CNTNAP4: variants seen among roughly 807,000 people sequenced by gnomAD.
The protein encoded by CNTNAP4 is contactin associated protein family member 4.
In CNTNAP4, 98 loss-of-function variants were observed where a neutral mutation model predicts 148.4. The observed-to-expected ratio is 0.66, with a 90% CI of 0.56 to 0.78. The LOEUF (loss-of-function observed/expected upper bound fraction) is 0.78. Ranked by LOEUF, CNTNAP4 falls within the 30% of genes least tolerant of loss-of-function variation. CNTNAP4 has a pLI of 0.00. For synonymous variants in CNTNAP4, 730 were observed against 565.1 expected (o/e 1.29, Z -4.14); for missense variants, 1,935 against 1,565.6 (o/e 1.24, Z -3.98).
intron 17 of CNTNAP4, among the ~76,000 whole-genome samples, chr16:76,522,665 TC>T (rs1230581677): frequency 0.03 from 2,870 of 95,380 alleles, 382 homozygotes; most frequent in African/African-American, 0.041. Context: ...TTTCTCTCTT[TC>T]CTTCTTTCTC....
At chr16:76,426,236 A>C (rs2079396829) in intron 3 of CNTNAP4, among the ~76,000 whole-genome samples, 1 of 152,186 alleles carries the variant, frequency 6.6e-6, no homozygotes, top group Non-Finnish European at 1.5e-5. Flanking sequence ...ATGTTTTGGT[A>C]AATGATAGTA....
chr16:76,293,641 G>A (rs148481097), intron 1 of CNTNAP4, among the ~76,000 whole-genome samples: 126 of 152,146 alleles, frequency 8.3e-4, no homozygotes, highest in Middle Eastern at 3.4e-3. Context: ...GCACTTAAGG[G>A]ATCACTTGAC....
chr16:76,356,153 G>C (rs192290173), intron 3 of CNTNAP4, among the ~76,000 whole-genome samples: 1 of 152,106 alleles, frequency 6.6e-6, no homozygotes, highest in Admixed American at 6.5e-5. Context: ...GGGATTATAG[G>C]CATGAGCCAC....
In CNTNAP4 at chr16:76,419,588, G is replaced by C. The variant is rs74887215; in HGVS notation, c.391-7864G>C. On this transcript the variant is annotated intron_variant, in intron 3 of 23. Transcript: ENST00000611870. ...GTTTTCCTGTCAGTTTCTGGTGCCA[G>C]TGGCTTTTGTTCCAGGTGGATGGAT... 6.9e-3 allele frequency among the ~76,000 whole-genome samples: 1,053 copies of C among 152,132 alleles called. 9 individuals carry two copies. The highest frequency in any genetic ancestry group is 0.024 in the African/African-American group (996 of 41,534).
At chr16:76,405,530 C>T (rs1360709995) in intron 3 of CNTNAP4, among the ~76,000 whole-genome samples, 8 of 152,034 alleles carry the variant, frequency 5.3e-5, no homozygotes, top group African/African-American at 1.9e-4. Context: ...TGTATTCTTA[C>T]AACAAAGCAA....
intron 2 of CNTNAP4, among the ~76,000 whole-genome samples, chr16:76,336,155 A>C (rs962601961): frequency 6.6e-6 from 1 of 152,140 alleles, no homozygotes; most frequent in African/African-American, 2.4e-5. Flanking sequence ...GATTTTCTAC[A>C]TGAGAAAGAA....
chr16:76,355,336 C>T lies in CNTNAP4; in HGVS notation c.215C>T (p.Pro72Leu). The change falls in exon 3 of 24, where the codon CCA becomes CTA. Residue 72 changes from proline (P) to leucine (L), a missense_variant. Pro to Leu is a moderately conservative substitution (Grantham distance 98). Transcript: ENST00000611870. ...NRRDGAGGWS[P>L]LVSNKYQWLQ... ...ATAAAAGGAGCTGGTGGCTGGTCTCCACTTGTGTCTAACAAATACCAGTGG... is the reference window on the plus strand; with the variant it reads ...ATAAAAGGAGCTGGTGGCTGGTCTCTACTTGTGTCTAACAAATACCAGTGG... The T allele has an allele frequency of 6.3e-7, 1 of 1,579,642 alleles. No homozygotes were observed. The highest frequency in any genetic ancestry group is 8.6e-7 in the Non-Finnish European group (1 of 1,163,910).
chr16:76,421,715 C>G (rs764546597), intron 3 of CNTNAP4, among the ~76,000 whole-genome samples: 1 of 152,080 alleles, frequency 6.6e-6, no homozygotes, highest in Non-Finnish European at 1.5e-5. Context: ...ATGAATTGTA[C>G]TTGAAAATAG....
chr16:76,386,534 G>A lies in CNTNAP4; in HGVS notation c.390+31023G>A, dbSNP rs542015028. On this transcript the variant is annotated intron_variant, in intron 3 of 23. Coordinates refer to ENST00000611870, the MANE Select transcript of CNTNAP4 (RefSeq NM_033401.5). ...AGATTTATTTAGAGCAGTGAGAGCT[G>A]TGTGATAAGTACAGCTGATTACTGT... Among the ~76,000 whole-genome samples, 8 of 152,286 alleles carry A rather than the reference G, an allele frequency of 5.3e-5. No homozygotes were observed. In the South Asian group the frequency reaches 1.7e-3, roughly 32 times the overall value.
rs913123049 is a variant in CNTNAP4, at chr16:76,560,043, C to A, written c.*1360C>A. On this transcript the variant is annotated 3_prime_UTR_variant, in exon 24 of 24. Coordinates refer to ENST00000611870, the MANE Select transcript of CNTNAP4 (RefSeq NM_033401.5). Reference sequence around the variant, plus strand: ...TAGGGTGTATTATACACTAGGAGATCAAAGAATGATCAATAACCTTATGGA... The same window carrying A: ...TAGGGTGTATTATACACTAGGAGATAAAAGAATGATCAATAACCTTATGGA... Among the ~76,000 whole-genome samples, 3 of 152,104 alleles carry A rather than the reference C, an allele frequency of 2.0e-5. No homozygotes were observed. Among genetic ancestry groups the A allele is most frequent in the Admixed American group, 2.0e-4 (3 of 15,264 alleles).
intron 1 of CNTNAP4, among the ~76,000 whole-genome samples, chr16:76,305,072 T>A: frequency 6.6e-6 from 1 of 152,352 alleles, no homozygotes; most frequent in South Asian, 2.1e-4. Context: ...CATAAGTTTT[T>A]ATTTTTCTGG....
chr16:76,304,172 A>G (rs1007493931), intron 1 of CNTNAP4, among the ~76,000 whole-genome samples: 1 of 152,108 alleles, frequency 6.6e-6, no homozygotes, highest in Non-Finnish European at 1.5e-5. Context: ...CATTATCCTC[A>G]TTTCGAGATA....
At position 76,427,437 on chromosome 16, in the gene CNTNAP4, T is replaced by C. The variant is rs2079448522; in HGVS notation, c.391-15T>C. The C allele has an allele frequency of 6.3e-7, 1 of 1,599,070 alleles. No homozygotes were observed. Among genetic ancestry groups the C allele is most frequent in the African/African-American group, 1.3e-5 (1 of 74,116 alleles). On this transcript the variant is annotated splice_polypyrimidine_tract_variant and intron_variant, in intron 3 of 23. Coordinates refer to ENST00000611870, the MANE Select transcript of CNTNAP4 (RefSeq NM_033401.5). ...CTCCAGATACATTGATGTGCTTCTTTCCCTTTTCTTTTAGGGTTTTTCAGG... is the reference window on the plus strand; with the variant it reads ...CTCCAGATACATTGATGTGCTTCTTCCCCTTTTCTTTTAGGGTTTTTCAGG...
intron 3 of CNTNAP4, among the ~76,000 whole-genome samples, chr16:76,420,618 G>T (rs536885396): frequency 6.6e-6 from 1 of 151,880 alleles, no homozygotes; most frequent in Non-Finnish European, 1.5e-5. Flanking sequence ...TTCTTTGAGG[G>T]CTCTAGAACT....
intron 2 of CNTNAP4, among the ~76,000 whole-genome samples, chr16:76,323,859 G>C (rs1962690080): frequency 1.3e-5 from 2 of 152,126 alleles, no homozygotes; most frequent in Admixed American, 6.5e-5. Context: ...GTGTAGTTCT[G>C]AAATCAGGGA....
chr16:76,526,031 A>G (rs2144153771), intron 17 of CNTNAP4, among the ~76,000 whole-genome samples: 1 of 152,148 alleles, frequency 6.6e-6, no homozygotes, highest in South Asian at 2.1e-4. Context: ...GTAGTGATAA[A>G]TACCATAAAG....
At chr16:76,525,658 A>C (rs1037832042) in intron 17 of CNTNAP4, among the ~76,000 whole-genome samples, 6 of 145,856 alleles carry the variant, frequency 4.1e-5, no homozygotes, top group African/African-American at 1.5e-4. Context: ...ATAAAATTAT[A>C]TATAGTTATA....
chr16:76,540,936 A>T lies in CNTNAP4; in HGVS notation c.3442+146A>T, dbSNP rs2084426201. Reference sequence around the variant, plus strand: ...GATTATGAAGTGAGTGATAATCAAGACAGAGGCATATGCAGGCATGAGTAG... The same window carrying T: ...GATTATGAAGTGAGTGATAATCAAGTCAGAGGCATATGCAGGCATGAGTAG... On this transcript the variant is annotated intron_variant, in intron 21 of 23. Coordinates refer to ENST00000611870, the MANE Select transcript of CNTNAP4 (RefSeq NM_033401.5). 7.2e-6 allele frequency: 4 copies of T among 557,906 alleles called. No homozygotes were observed. In the South Asian group the frequency reaches 8.2e-5, roughly 11 times the overall value. 34.6% of individuals were successfully genotyped at this position (557,906 alleles called of 1,614,324 possible). A position where few individuals can be genotyped will look rare whatever the true frequency, so the allele number is the denominator to read the frequency against.
At position 76,444,982 on chromosome 16, in the gene CNTNAP4, C is replaced by T. The variant is rs2080185626; in HGVS notation, c.539-3030C>T. Among the ~76,000 whole-genome samples, 4 of 152,154 alleles carry T rather than the reference C, an allele frequency of 2.6e-5. No individual in the cohort carries two copies. The South Asian group carries it at 8.3e-4, about 31-fold the overall frequency. On this transcript the variant is annotated intron_variant, in intron 4 of 23. Coordinates refer to ENST00000611870, the MANE Select transcript of CNTNAP4 (RefSeq NM_033401.5). The stretch of plus-strand genomic sequence containing the variant: ...GTCCCCTTTTTCAAGGTGAGCCAAC[C>T]TCACTCCTACTCTGAGTACTAAATT...
Sources: allele counts gnomAD v4.1 joint callset (sites outside exome capture counted in the v4.1 genomes callset), GRCh38; gene constraint gnomAD v4.1.1; transcripts MANE v1.5; gene names NCBI Gene and HGNC (gene_info 2026-07-23, HGNC 2026-07-21).